LRRC56: variants seen among roughly 807,000 people sequenced by gnomAD.
The protein encoded by LRRC56 is leucine rich repeat containing 56.
A neutral mutation model predicts 47.8 loss-of-function variants in LRRC56; 41 were observed. The ratio of observed to expected loss-of-function variants is 0.86; its 90% CI spans 0.67 to 1.11. LRRC56 has a LOEUF of 1.11. Among genes scored for constraint, LRRC56 ranks in the 50% most tolerant of loss-of-function variants. The pLI, the probability that LRRC56 is intolerant of heterozygous loss-of-function variation, is 0.00. For synonymous variants in LRRC56, 387 were observed against 311.2 expected (o/e 1.24, Z -2.56); for missense variants, 759 against 704.2 (o/e 1.08, Z -0.88).
chr11:546,671 C>T (rs557833557), intron 6 of LRRC56, among the ~76,000 whole-genome samples: 1 of 152,220 alleles, frequency 6.6e-6, no homozygotes, highest in Non-Finnish European at 1.5e-5. Context: ...CAGAGAGGGG[C>T]CTGGACATGA....
At chr11:516,657 G>A in the LRRC56 span, among the ~76,000 whole-genome samples, 4,031 of 152,158 alleles carry the variant, frequency 0.026, 78 homozygotes, top group Non-Finnish European at 0.038. Flanking sequence ...ACAAAAAGAC[G>A]GCCGGACGTG....
At chr11:512,196 C>G in the LRRC56 span, among the ~76,000 whole-genome samples, 1 of 151,922 alleles carries the variant, frequency 6.6e-6, no homozygotes, top group African/African-American at 2.4e-5. Flanking sequence ...CCTGCCCTGG[C>G]CTCCCAAAGT....
chr11:508,126 G>C, the LRRC56 span, among the ~76,000 whole-genome samples: 1 of 152,230 alleles, frequency 6.6e-6, no homozygotes, highest in African/African-American at 2.4e-5. Context: ...TCTCAGATTT[G>C]TTCTTTAGCA....
intron 5 of LRRC56, among the ~76,000 whole-genome samples, chr11:544,306 C>A (rs1257072400): frequency 6.6e-6 from 1 of 152,202 alleles, no homozygotes; most frequent in Non-Finnish European, 1.5e-5. Context: ...CCCAGCCACG[C>A]CAGCCTGGCC....
upstream of LRRC56, chr11:533,404 C>A (rs568602129): frequency 1.4e-6 from 1 of 722,404 alleles, no homozygotes; most frequent in South Asian, 1.3e-5. Flanking sequence ...CTGGCTGGGG[C>A]GGGGCGGGGC....
At chr11:507,587 G>T in the LRRC56 span, among the ~76,000 whole-genome samples, 12 of 152,304 alleles carry the variant, frequency 7.9e-5, no homozygotes, top group African/African-American at 2.9e-4. Flanking sequence ...GTGCGGCAGC[G>T]CCTTGGGGGC....
upstream of LRRC56, chr11:534,233 G>C (rs745489020): frequency 6.2e-7 from 1 of 1,613,206 alleles, no homozygotes; most frequent in Non-Finnish European, 8.5e-7. Context: ...GGTCGTATTC[G>C]TCCACAAAAT....
chr11:554,282 C>T lies in LRRC56; in HGVS notation c.*6C>T, dbSNP rs763193593. The stretch of plus-strand genomic sequence containing the variant: ...CCAGCCCCGTCCCCACTTAATATAG[C>T]CCCCACTGCCAGGCTTCCCTGTGCT... On this transcript the variant is annotated 3_prime_UTR_variant, in exon 14 of 14. Coordinates refer to ENST00000270115, the MANE Select transcript of LRRC56 (RefSeq NM_198075.4). 5 of 1,478,224 alleles carry T rather than the reference C, an allele frequency of 3.4e-6. No individual in the cohort carries two copies. The highest frequency in any genetic ancestry group is 1.8e-4 in the Middle Eastern group (1 of 5,502). 91.6% of individuals were successfully genotyped at this position (1,478,224 alleles called of 1,614,324 possible). A position where few individuals can be genotyped will look rare whatever the true frequency, so the allele number is the denominator to read the frequency against.
At chr11:534,103 G>A, upstream of LRRC56, 1 of 1,172,348 alleles carries the variant, frequency 8.5e-7, no homozygotes, top group South Asian at 1.2e-5. Context: ...CAGGAGACAG[G>A]GCCACAGCAC....
At chr11:536,997 G>C (rs1851534810), upstream of LRRC56, 1 of 152,264 alleles carries the variant, frequency 6.6e-6, no homozygotes, top group African/African-American at 2.4e-5. Flanking sequence ...CGTGTCCCGC[G>C]GGCCGGGCAC....
intron 3 of LRRC56, among the ~76,000 whole-genome samples, chr11:539,977 G>T (rs965513612): frequency 6.6e-6 from 1 of 152,218 alleles, no homozygotes; most frequent in East Asian, 1.9e-4. Flanking sequence ...AGCTGGGTCC[G>T]TGGATAGTCA....
At chr11:553,877 GC>G (rs1564809720) in intron 13 of LRRC56, 85 bp from the exon 14 acceptor site, 5 of 1,256,412 alleles carry the variant, frequency 4.0e-6, no homozygotes, top group East Asian at 2.4e-5. Context: ...GGGCTGCAGG[GC>G]CACGGGTGGG....
At chr11:518,718 G>GCAGCCAGCGCGGAAC in the LRRC56 span, among the ~76,000 whole-genome samples, 1 of 152,184 alleles carries the variant, frequency 6.6e-6, no homozygotes, top group Non-Finnish European at 1.5e-5. Context: ...GGCAGGAAAC[G>GCAGCCAGCGCGGAAC]CAGCCAGCGC....
rs375340021 is a variant in LRRC56, at chr11:537,681, C to T, written c.-422+76C>T. On this transcript the variant is annotated intron_variant, in intron 1 of 13. Coordinates refer to ENST00000270115, the MANE Select transcript of LRRC56 (RefSeq NM_198075.4). ...ACCGGTGCCAGGAGGGAACCTGCGCCGAGGCGTGGGCGCGGGGACGAAGCA... is the reference window on the plus strand; with the variant it reads ...ACCGGTGCCAGGAGGGAACCTGCGCTGAGGCGTGGGCGCGGGGACGAAGCA... 113 of 152,400 alleles carry T rather than the reference C, an allele frequency of 7.4e-4. 1 individual carries two copies. The highest frequency in any genetic ancestry group is 2.7e-3 in the African/African-American group (111 of 41,570). 9.4% of individuals were successfully genotyped at this position (152,400 alleles called of 1,614,324 possible).
At chr11:524,413 C>T in the LRRC56 span, among the ~76,000 whole-genome samples, 1 of 150,430 alleles carries the variant, frequency 6.6e-6, no homozygotes, top group Non-Finnish European at 1.5e-5. Flanking sequence ...GGGTGGTTCA[C>T]CTGAGGTCGG....
chr11:545,544 G>A (rs187651953), intron 6 of LRRC56, among the ~76,000 whole-genome samples: 1 of 150,498 alleles, frequency 6.6e-6, no homozygotes, highest in East Asian at 1.9e-4. Context: ...CAGAGCCTGT[G>A]TACAGAACCC....
chr11:534,032 C>T (rs935807529), upstream of LRRC56: 28 of 1,392,850 alleles, frequency 2.0e-5, no homozygotes, highest in African/African-American at 2.5e-4. Flanking sequence ...CCTCTCATGC[C>T]CCTCATGCCC....
the LRRC56 span, chr11:532,517 C>T: frequency 2.2e-6 from 3 of 1,392,436 alleles, no homozygotes; most frequent in South Asian, 2.5e-5. Flanking sequence ...ATGTCCTGAG[C>T]TTGTGCTGGG....
At chr11:535,902 C>T (rs916503573), upstream of LRRC56, among the ~76,000 whole-genome samples, 4 of 152,256 alleles carry the variant, frequency 2.6e-5, no homozygotes, top group South Asian at 6.2e-4. Flanking sequence ...TCAGCGGTGC[C>T]GGTGCACCAG....
Sources: allele counts gnomAD v4.1 joint callset (sites outside exome capture counted in the v4.1 genomes callset), GRCh38; gene constraint gnomAD v4.1.1; transcripts MANE v1.5; gene names NCBI Gene and HGNC (gene_info 2026-07-23, HGNC 2026-07-21).